The following AIDA variants were observed in gnomAD, a reference collection of about 807,000 sequenced individuals.
AIDA encodes the protein axin interactor, dorsalization associated.
A neutral mutation model predicts 42.7 loss-of-function variants in AIDA; 18 were observed. That is an observed-to-expected ratio of 0.42 (90% CI 0.29 to 0.63). The LOEUF (loss-of-function observed/expected upper bound fraction) is 0.63. Among genes scored for constraint, AIDA ranks in the 20% least tolerant of loss-of-function variants. The probability of loss-of-function intolerance (pLI) is 0.19; values close to 1 mark genes in which losing one functional copy is unlikely to be tolerated. For synonymous variants in AIDA, 104 were observed against 122.9 expected (o/e 0.85, Z 1.02); for missense variants, 250 against 354.1 (o/e 0.71, Z 2.36).
At chr1:222,702,653 G>A (rs1368097362) in intron 2 of AIDA, among the ~76,000 whole-genome samples, 1 of 152,230 alleles carries the variant, frequency 6.6e-6, no homozygotes, top group African/African-American at 2.4e-5. Context: ...TGTTTTCAGT[G>A]GAGAGGTGTT....
chr1:222,688,400 G>A (rs1571931650), intron 4 of AIDA, among the ~76,000 whole-genome samples: 2 of 151,994 alleles, frequency 1.3e-5, no homozygotes, highest in African/African-American at 4.8e-5. Context: ...AATCAGTCAT[G>A]CACCACATAA....
intron 1 of AIDA, among the ~76,000 whole-genome samples, chr1:222,707,355 G>A (rs749291165): frequency 6.6e-6 from 1 of 152,038 alleles, no homozygotes; most frequent in Non-Finnish European, 1.5e-5. Context: ...ACTGGGTTTT[G>A]CCATGTTGCC....
intron 2 of AIDA, among the ~76,000 whole-genome samples, chr1:222,702,375 A>G (rs1211001544): frequency 6.6e-6 from 1 of 152,034 alleles, no homozygotes; most frequent in Non-Finnish European, 1.5e-5. Context: ...ATAGACTGAC[A>G]CTTTTTTTTT....
At chr1:222,704,485 G>T (rs1655790411) in intron 1 of AIDA, among the ~76,000 whole-genome samples, 1 of 152,200 alleles carries the variant, frequency 6.6e-6, no homozygotes, top group Non-Finnish European at 1.5e-5. Flanking sequence ...AAAGAGGAAT[G>T]AAGTACTACT....
Position 222,669,628 on chromosome 1 carries a change from T to C in AIDA, c.*265A>G, listed in dbSNP as rs1664408413. On this transcript the variant is annotated 3_prime_UTR_variant, in exon 10 of 10. Transcript: ENST00000340020. Reference sequence around the variant, plus strand: ...GTAGGAGTAGTGGTAAATTAGAAAATAGACTATTAATTGCACAATTAATAG... The same window carrying C: ...GTAGGAGTAGTGGTAAATTAGAAAACAGACTATTAATTGCACAATTAATAG... 5.8e-6 allele frequency: 2 copies of C among 344,052 alleles called. No homozygotes were observed. Among genetic ancestry groups the C allele is most frequent in the Admixed American group, 8.5e-5 (2 of 23,648 alleles). 21.3% of individuals were successfully genotyped at this position (344,052 alleles called of 1,614,324 possible).
chr1:222,702,142 G>A (rs1026301167), intron 2 of AIDA, among the ~76,000 whole-genome samples: 3 of 152,242 alleles, frequency 2.0e-5, no homozygotes, highest in African/African-American at 7.2e-5. Flanking sequence ...ACAAACTTGT[G>A]TAAGAAATGT....
intron 8 of AIDA, among the ~76,000 whole-genome samples, chr1:222,672,018 T>C (rs1233030137): frequency 6.6e-6 from 1 of 152,236 alleles, no homozygotes; most frequent in Non-Finnish European, 1.5e-5. Flanking sequence ...TCCTTCATCA[T>C]GCTTTTTATA....
intron 8 of AIDA, among the ~76,000 whole-genome samples, chr1:222,670,862 G>C (rs1664434431): frequency 6.6e-6 from 1 of 152,200 alleles, no homozygotes; most frequent in Non-Finnish European, 1.5e-5. Flanking sequence ...GAAGACAAAG[G>C]TTCAAAGAGC....
intron 3 of AIDA, 72 bp downstream of exon 3, chr1:222,694,138 T>A: frequency 7.5e-7 from 1 of 1,341,464 alleles, no homozygotes; most frequent in Non-Finnish European, 1.0e-6. Flanking sequence ...TTGACATAAA[T>A]GTCTAATGTT....
chr1:222,670,587 A>G (rs1664429615), intron 8 of AIDA, among the ~76,000 whole-genome samples: 1 of 152,254 alleles, frequency 6.6e-6, no homozygotes, highest in South Asian at 2.1e-4. Context: ...AACAGAGAAG[A>G]TACTTCAATA....
chr1:222,711,810 T>G (rs1044351518), intron 1 of AIDA: 2 of 224,994 alleles, frequency 8.9e-6, no homozygotes, highest in African/African-American at 4.7e-5. Context: ...CACACAAGTA[T>G]TCCTCAGAGA....
intron 1 of AIDA, among the ~76,000 whole-genome samples, chr1:222,704,616 A>G (rs1655792163): frequency 6.6e-6 from 1 of 152,214 alleles, no homozygotes; most frequent in Non-Finnish European, 1.5e-5. Flanking sequence ...CAATCCACAG[A>G]GACAAAAAGC....
At chr1:222,697,494 CAT>C (rs764322178) in intron 2 of AIDA, among the ~76,000 whole-genome samples, 8 of 151,366 alleles carry the variant, frequency 5.3e-5, no homozygotes, top group South Asian at 2.1e-4. Context: ...CACAAGTTCA[CAT>C]GTGTCAGAGT....
At position 222,687,024 on chromosome 1, in the gene AIDA, T is replaced by A; in HGVS notation, c.366A>T (p.Ala122=). ...ATTCCAAATTCTCTTCTTCACCAGG[T>A]GCCAAAATTCTTCTACACAAAAAAA... is the stretch of plus-strand genomic sequence containing the variant. ...VQPVPLRRIL[A]PGEEENLEFE... is the part of the protein sequence containing the mutation. Residue 122 remains alanine, a synonymous_variant, in exon 6 of 10, where the codon GCA becomes GCT. Coordinates refer to ENST00000340020, the MANE Select transcript of AIDA (RefSeq NM_022831.4). 3 of 1,613,306 alleles carry A rather than the reference T, an allele frequency of 1.9e-6. No individual in the cohort carries two copies. The highest frequency in any genetic ancestry group is 2.5e-6 in the Non-Finnish European group (3 of 1,179,770).
At chr1:222,688,572 T>C (rs1306809602) in intron 4 of AIDA, among the ~76,000 whole-genome samples, 1 of 151,974 alleles carries the variant, frequency 6.6e-6, no homozygotes, top group Non-Finnish European at 1.5e-5. Context: ...TATTTTAGAG[T>C]GTACTTCTTC....
chr1:222,689,301 C>CTG (rs996266900), intron 4 of AIDA, among the ~76,000 whole-genome samples: 2 of 149,934 alleles, frequency 1.3e-5, no homozygotes, highest in Non-Finnish European at 3.0e-5. Flanking sequence ...TTAGCCAGGC[C>CTG]TGGTGGCACA....
chr1:222,702,772 T>G (rs955913715), intron 2 of AIDA, among the ~76,000 whole-genome samples: 2 of 152,232 alleles, frequency 1.3e-5, no homozygotes, highest in African/African-American at 4.8e-5. Flanking sequence ...TGGAATGCAA[T>G]TACCCACAAT....
chr1:222,691,180 T>C (rs1250685800), intron 4 of AIDA, among the ~76,000 whole-genome samples: 1 of 152,114 alleles, frequency 6.6e-6, no homozygotes, highest in Non-Finnish European at 1.5e-5. Flanking sequence ...CAGGCAGCTG[T>C]AGGGAAAGGG....
chr1:222,673,171 T>A, intron 8 of AIDA, 142 bp downstream of exon 8: 4 of 688,464 alleles, frequency 5.8e-6, no homozygotes, highest in Non-Finnish European at 8.6e-6. Flanking sequence ...TTTAAAAATA[T>A]GTATATTTAT....
Sources: gnomAD v4.1 joint callset for allele counts (sites outside exome capture counted in the v4.1 genomes callset) on GRCh38, gnomAD v4.1.1 for gene constraint, MANE v1.5 for transcripts, NCBI Gene and HGNC (gene_info 2026-07-23, HGNC 2026-07-21) for gene names.